The following GALNT13 variants were observed in gnomAD, a reference collection of about 807,000 sequenced individuals.
GALNT13 encodes the protein UDP-GalNAc:polypeptide N-acetylgalactosaminyltransferase 13.
GALNT13 carries 28 observed loss-of-function variants against 64.2 expected under a neutral mutation model. That is an observed-to-expected ratio of 0.44 (90% CI 0.32 to 0.60). The LOEUF (loss-of-function observed/expected upper bound fraction) is 0.60. Ranked by LOEUF, GALNT13 falls within the 20% of genes least tolerant of loss-of-function variation. The pLI is 0.05. For synonymous variants in GALNT13, 214 were observed against 224.6 expected (o/e 0.95, Z 0.42); for missense variants, 577 against 669.8 (o/e 0.86, Z 1.53).
At chr2:153,907,039 G>A in intron 2 of GALNT13, among the ~76,000 whole-genome samples, 1 of 152,094 alleles carries the variant, frequency 6.6e-6, no homozygotes, top group Non-Finnish European at 1.5e-5. Context: ...CTGCATAAAT[G>A]TCTTCTTTTG....
chr2:153,645,329 A>G, the GALNT13 span, among the ~76,000 whole-genome samples: 1 of 152,244 alleles, frequency 6.6e-6, no homozygotes, highest in Middle Eastern at 3.4e-3. Context: ...TTCCAATAGC[A>G]TAATTTCATA....
In GALNT13 at chr2:153,910,191, A is replaced by G. The variant is rs114320486; in HGVS notation, c.-105+9184A>G. Among the ~76,000 whole-genome samples the G allele has an allele frequency of 4.8e-3, 722 of 151,872 alleles. 5 individuals are homozygous for G. The highest frequency in any genetic ancestry group is 0.016 in the African/African-American group (654 of 41,416). On this transcript the variant is annotated intron_variant, in intron 2 of 12. Coordinates refer to ENST00000392825, the MANE Select transcript of GALNT13 (RefSeq NM_052917.4). ...GGAGGGTATATGTGCTCAGGTATCT[A>G]TCCATTTCATGTTGATTTTTGAGTT...
the GALNT13 span, among the ~76,000 whole-genome samples, chr2:153,579,165 A>G: frequency 6.6e-6 from 1 of 152,170 alleles, no homozygotes; most frequent in Non-Finnish European, 1.5e-5. Context: ...CTCTCTACCT[A>G]GAGATTAAAA....
At chr2:153,545,774 G>A in the GALNT13 span, among the ~76,000 whole-genome samples, 1 of 152,224 alleles carries the variant, frequency 6.6e-6, no homozygotes, top group Non-Finnish European at 1.5e-5. Flanking sequence ...ACTCTGGTCT[G>A]GCCACACTAC....
At chr2:153,651,971 T>A in the GALNT13 span, among the ~76,000 whole-genome samples, 1 of 152,158 alleles carries the variant, frequency 6.6e-6, no homozygotes, top group South Asian at 2.1e-4. Flanking sequence ...GAATGACCTG[T>A]AAGCTTCCCG....
At chr2:153,193,529 C>A in the GALNT13 span, among the ~76,000 whole-genome samples, 5 of 148,412 alleles carry the variant, frequency 3.4e-5, no homozygotes, top group Admixed American at 6.6e-5. Flanking sequence ...TGCACCAGCA[C>A]GGCACATGTA....
chr2:153,485,448 C>T, the GALNT13 span, among the ~76,000 whole-genome samples: 2 of 152,106 alleles, frequency 1.3e-5, no homozygotes, highest in African/African-American at 4.8e-5. Context: ...TTTGCATTTG[C>T]TTTACATTTA....
chr2:153,969,410 C>A (rs1271869030), intron 3 of GALNT13, among the ~76,000 whole-genome samples: 4 of 151,862 alleles, frequency 2.6e-5, no homozygotes, highest in African/African-American at 9.7e-5. Context: ...TTTTAGGTTG[C>A]AATAACACAT....
At chr2:154,329,826 C>T (rs569051692) in intron 9 of GALNT13, among the ~76,000 whole-genome samples, 1 of 152,052 alleles carries the variant, frequency 6.6e-6, no homozygotes, top group South Asian at 2.1e-4. Context: ...CTCTTTCCTT[C>T]TTTCTCTCTC....
intron 3 of GALNT13, 61 bp from the exon 4 acceptor site, chr2:154,140,272 GTTTA>G: frequency 2.5e-6 from 3 of 1,206,144 alleles, no homozygotes; most frequent in Non-Finnish European, 3.6e-6. Flanking sequence ...AGACACACAA[GTTTA>G]TTTATTCAGT....
chr2:153,668,919 C>T, the GALNT13 span, among the ~76,000 whole-genome samples: 3 of 152,272 alleles, frequency 2.0e-5, no homozygotes, highest in South Asian at 2.1e-4. Context: ...TGTTCCCCTA[C>T]AAGACTTTAG....
the GALNT13 span, among the ~76,000 whole-genome samples, chr2:153,706,000 A>G: frequency 1.3e-5 from 2 of 151,730 alleles, no homozygotes; most frequent in Non-Finnish European, 2.9e-5. Context: ...ATATATATAT[A>G]TATTTTCTTT....
chr2:153,572,966 T>A, the GALNT13 span, among the ~76,000 whole-genome samples: 34,448 of 151,744 alleles, frequency 0.23, 4,342 homozygotes, highest in Admixed American at 0.38. Context: ...ATTTGGTCAA[T>A]AGTGCAGATT....
chr2:153,727,634 A>G, the GALNT13 span, among the ~76,000 whole-genome samples: 3 of 151,690 alleles, frequency 2.0e-5, no homozygotes, highest in African/African-American at 2.4e-5. Context: ...TATTTTCTCC[A>G]TTTTCTATTT....
the GALNT13 span, among the ~76,000 whole-genome samples, chr2:153,211,020 C>A: frequency 4.6e-5 from 7 of 152,032 alleles, 1 homozygote; most frequent in Admixed American, 2.6e-4. Flanking sequence ...CTGGACATAA[C>A]ACATTTATAC....
chr2:154,365,587 TAA>T (rs1457763099), intron 9 of GALNT13, among the ~76,000 whole-genome samples: 1 of 152,190 alleles, frequency 6.6e-6, no homozygotes. Flanking sequence ...ATCTATTTCA[TAA>T]AGTAAGGTGG....
the GALNT13 span, among the ~76,000 whole-genome samples, chr2:153,074,237 A>G: frequency 6.6e-6 from 1 of 152,184 alleles, no homozygotes; most frequent in Non-Finnish European, 1.5e-5. Flanking sequence ...TGCATTAGCT[A>G]TTGTGCTACT....
intron 3 of GALNT13, among the ~76,000 whole-genome samples, chr2:154,004,153 A>C (rs895167937): frequency 4.9e-4 from 75 of 152,164 alleles, no homozygotes; most frequent in African/African-American, 1.6e-3. Flanking sequence ...AATTATTACT[A>C]ATTGTTATTA....
At chr2:153,713,754 G>C in the GALNT13 span, among the ~76,000 whole-genome samples, 1 of 152,186 alleles carries the variant, frequency 6.6e-6, no homozygotes, top group Non-Finnish European at 1.5e-5. Context: ...AAAATGTTGG[G>C]ATTACAGGCG....
Sources: allele counts gnomAD v4.1 joint callset (sites outside exome capture counted in the v4.1 genomes callset), GRCh38; gene constraint gnomAD v4.1.1; transcripts MANE v1.5; gene names NCBI Gene and HGNC (gene_info 2026-07-23, HGNC 2026-07-21).